ADGRB3: variants seen among roughly 807,000 people sequenced by gnomAD.
ADGRB3 encodes the protein adhesion G protein-coupled receptor B3, also known as brain-specific angiogenesis inhibitor 3.
ADGRB3 carries 37 observed loss-of-function variants against 193.4 expected under a neutral mutation model. The observed-to-expected ratio is 0.19, with a 90% CI of 0.15 to 0.25. The LOEUF (loss-of-function observed/expected upper bound fraction) is 0.25. Among genes scored for constraint, ADGRB3 ranks in the 10% least tolerant of loss-of-function variants. The probability of loss-of-function intolerance (pLI) is 1.00; values close to 1 mark genes in which losing one functional copy is unlikely to be tolerated. For missense variants in ADGRB3, 1,637 were observed against 1,852.9 expected, an observed-to-expected ratio of 0.88 and a Z score of 2.14; for synonymous variants, 690 against 644.2, an observed-to-expected ratio of 1.07 and a Z score of -1.08.
intron 3 of ADGRB3, among the ~76,000 whole-genome samples, chr6:68,889,319 A>T (rs1463531356): frequency 6.6e-6 from 1 of 152,124 alleles, no homozygotes; most frequent in African/African-American, 2.4e-5. Flanking sequence ...TCTTAGAACA[A>T]TATTGCTTCC....
At chr6:69,348,703 T>C (rs1185949426) in intron 26 of ADGRB3, among the ~76,000 whole-genome samples, 2 of 151,666 alleles carry the variant, frequency 1.3e-5, no homozygotes, top group Non-Finnish European at 2.9e-5. Context: ...GACATGTGGA[T>C]ATGTGGATGG....
chr6:69,095,802 C>G (rs143776736), intron 17 of ADGRB3, among the ~76,000 whole-genome samples: 2 of 152,262 alleles, frequency 1.3e-5, no homozygotes, highest in East Asian at 3.9e-4. Flanking sequence ...CACACACGCA[C>G]ATGCACGCGT....
At chr6:68,888,320 C>T (rs901262147) in intron 3 of ADGRB3, among the ~76,000 whole-genome samples, 6 of 151,964 alleles carry the variant, frequency 3.9e-5, no homozygotes, top group Non-Finnish European at 5.9e-5. Flanking sequence ...ATAAGAGATA[C>T]GGTAATAGCA....
intron 17 of ADGRB3, chr6:69,232,467 A>G: frequency 2.0e-6 from 3 of 1,528,724 alleles, no homozygotes; most frequent in Non-Finnish European, 2.6e-6. Context: ...TCTCTTCCCT[A>G]CTCCTACTGG....
intron 3 of ADGRB3, among the ~76,000 whole-genome samples, chr6:68,703,823 G>C (rs1001880142): frequency 6.6e-6 from 1 of 152,004 alleles, no homozygotes; most frequent in East Asian, 1.9e-4. Context: ...GGGTTTCATC[G>C]TGTTGGTCAG....
intron 31 of ADGRB3, among the ~76,000 whole-genome samples, chr6:69,384,323 G>A (rs1043729607): frequency 1.3e-5 from 2 of 151,992 alleles, no homozygotes; most frequent in Non-Finnish European, 2.9e-5. Flanking sequence ...TTCATAATGA[G>A]TGGATCTTCC....
chr6:69,367,294 G>A (rs996905334), intron 29 of ADGRB3, among the ~76,000 whole-genome samples: 2 of 152,090 alleles, frequency 1.3e-5, no homozygotes, highest in African/African-American at 4.8e-5. Flanking sequence ...TAAAGCAATG[G>A]AAGCAAATGA....
rs145052097 is a variant in ADGRB3, at chr6:69,318,544, G to A, written c.2815-6328G>A. On this transcript the variant is annotated intron_variant, in intron 20 of 31. Transcript: ENST00000370598. ...GGCTTACAGCTTTCTTGCTCATTTCGATATCAATGTCATGCTAGCCTCTTT... is the reference window on the plus strand; with the variant it reads ...GGCTTACAGCTTTCTTGCTCATTTCAATATCAATGTCATGCTAGCCTCTTT... Among the ~76,000 whole-genome samples the A allele has an allele frequency of 2.4e-3, 359 of 151,162 alleles. 1 individual carries two copies. The highest frequency in any genetic ancestry group is 3.5e-3 in the Non-Finnish European group (238 of 67,420).
intron 20 of ADGRB3, among the ~76,000 whole-genome samples, chr6:69,281,809 G>T (rs756135165): frequency 2.0e-5 from 3 of 152,168 alleles, no homozygotes. Context: ...ATAATAGATA[G>T]CTATGACAAG....
chr6:69,373,763 T>C (rs1769755340), intron 30 of ADGRB3, among the ~76,000 whole-genome samples: 1 of 151,956 alleles, frequency 6.6e-6, no homozygotes, highest in Non-Finnish European at 1.5e-5. Flanking sequence ...AGCAATAAAT[T>C]GTTATGTTAG....
At chr6:68,686,975 T>C (rs1463830555) in intron 3 of ADGRB3, among the ~76,000 whole-genome samples, 1 of 152,168 alleles carries the variant, frequency 6.6e-6, no homozygotes, top group African/African-American at 2.4e-5. Context: ...TTTAAAAATA[T>C]GCTTTTTGAA....
At chr6:68,650,109 T>C (rs1196044532) in intron 3 of ADGRB3, among the ~76,000 whole-genome samples, 1 of 152,174 alleles carries the variant, frequency 6.6e-6, no homozygotes, top group Admixed American at 6.6e-5. Flanking sequence ...TCAGAGTATA[T>C]ATAAAATAAA....
chr6:69,201,462 T>A (rs1765415435), intron 17 of ADGRB3, among the ~76,000 whole-genome samples: 1 of 152,036 alleles, frequency 6.6e-6, no homozygotes, highest in Non-Finnish European at 1.5e-5. Context: ...ATTCTTATTT[T>A]CTCTCCCTCC....
intron 3 of ADGRB3, among the ~76,000 whole-genome samples, chr6:68,680,453 G>A (rs975702597): frequency 6.6e-6 from 1 of 152,118 alleles, no homozygotes; most frequent in African/African-American, 2.4e-5. Context: ...TGAAAGGTAG[G>A]CCCAGCTATG....
chr6:68,669,604 TTGTGTGTGTGTGTGTGTGTG>T lies in ADGRB3; in HGVS notation c.757+30200_757+30219del, dbSNP rs59849376. On this transcript the variant is annotated intron_variant, in intron 3 of 31. Transcript: ENST00000370598. The stretch of plus-strand genomic sequence containing the variant: ...TTTTTTATGGATGAATAATACTCCA[TTGTGTGTGTGTGTGTGTGTG>T]TGTGTGTGTGTGTGTGTGTGTGTGT... Among the ~76,000 whole-genome samples the T allele has an allele frequency of 3.5e-3, 468 of 134,750 alleles. 3 individuals are homozygous for T. Among genetic ancestry groups the T allele is most frequent in the African/African-American group, 0.012 (443 of 36,044 alleles). The allele number at this position is 134,750 out of a possible 152,430, so 88.4% of individuals were successfully genotyped here.
chr6:69,035,065 G>A (rs1218643111), intron 13 of ADGRB3, among the ~76,000 whole-genome samples: 2 of 152,000 alleles, frequency 1.3e-5, no homozygotes, highest in Non-Finnish European at 2.9e-5. Context: ...ATCATCCTTT[G>A]TTTATAATTC....
intron 17 of ADGRB3, among the ~76,000 whole-genome samples, chr6:69,141,525 C>G (rs1774342076): frequency 5.1e-5 from 3 of 58,684 alleles, no homozygotes; most frequent in African/African-American, 1.1e-4. Flanking sequence ...ATACAGTTAT[C>G]TAGAGAGAGA....
At chr6:68,812,700 A>G (rs1026826965) in intron 3 of ADGRB3, among the ~76,000 whole-genome samples, 9 of 151,930 alleles carry the variant, frequency 5.9e-5, no homozygotes, top group African/African-American at 9.7e-5. Context: ...TATACTTTAA[A>G]TTCTGGGGTA....
At chr6:68,936,706 T>C in intron 5 of ADGRB3, 26 bp downstream of exon 5, 1 of 1,596,782 alleles carries the variant, frequency 6.3e-7, no homozygotes. Context: ...ACTACAACTG[T>C]GGATGTTATT....
Sources: gnomAD v4.1 joint callset for allele counts (sites outside exome capture counted in the v4.1 genomes callset) on GRCh38, gnomAD v4.1.1 for gene constraint, MANE v1.5 for transcripts, NCBI Gene and HGNC (gene_info 2026-07-23, HGNC 2026-07-21) for gene names.